ECPAS: variants seen among roughly 807,000 people sequenced by gnomAD.
The protein encoded by ECPAS is proteasome adapter and scaffold protein ECM29.
Under a neutral mutation model 255.1 loss-of-function variants are expected in ECPAS, and 70 were observed. The ratio of observed to expected loss-of-function variants is 0.27; its 90% CI spans 0.23 to 0.33. ECPAS has a LOEUF of 0.33. Ranked by LOEUF, ECPAS falls within the 10% of genes least tolerant of loss-of-function variation. The pLI is 1.00. For synonymous variants in ECPAS, 784 were observed against 775.0 expected (o/e 1.01, Z -0.19); for missense variants, 1,817 against 2,206.4 (o/e 0.82, Z 3.54).
rs1390908985 is a variant in ECPAS at position 111,390,048 on chromosome 9, T to G, written c.3215A>C (p.Gln1072Pro). 1 of 1,602,066 alleles carries G rather than the reference T, an allele frequency of 6.2e-7. No homozygotes were observed. ...CATAAATTTATACACCAGATCTGGC[T>G]GGCTAAGATCACTTGCCAGAGAACA... The part of the protein sequence containing the change: ...ELCSLASDLS[Q>P]PDLVYKFMNL... Residue 1072 changes from glutamine (Q) to proline (P), a missense_variant, in exon 30 of 50, where the codon CAG becomes CCG. By Grantham distance (76) the Gln-to-Pro change is moderately conservative (BLOSUM62 -1). Transcript: ENST00000684092.
intron 6 of ECPAS, among the ~76,000 whole-genome samples, chr9:111,437,674 C>CA (rs35173629): frequency 2.6e-5 from 4 of 152,058 alleles, no homozygotes; most frequent in African/African-American, 9.7e-5. Flanking sequence ...TGAAAAAACT[C>CA]AAAAGGGCCC....
intron 24 of ECPAS, among the ~76,000 whole-genome samples, chr9:111,398,427 T>A (rs1035459110): frequency 3.3e-5 from 5 of 152,214 alleles, no homozygotes; most frequent in African/African-American, 1.2e-4. Flanking sequence ...ATGAATAATA[T>A]ACTATCTGGA....
At chr9:111,390,173 A>G (rs2098157290) in intron 29 of ECPAS, 72 bp from the exon 30 acceptor site, 1 of 868,478 alleles carries the variant, frequency 1.2e-6, no homozygotes, top group Admixed American at 2.2e-5. Flanking sequence ...TACATCATCA[A>G]TATTACTAGG....
chr9:111,409,989 A>G (rs2098191343), intron 23 of ECPAS, 52 bp downstream of exon 23: 1 of 1,335,132 alleles, frequency 7.5e-7, no homozygotes, highest in Non-Finnish European at 1.0e-6. Context: ...TTGCTCATGT[A>G]TGCATAGAAA....
intron 6 of ECPAS, among the ~76,000 whole-genome samples, chr9:111,440,035 T>C (rs1589200800): frequency 8.9e-6 from 1 of 111,854 alleles, no homozygotes; most frequent in Non-Finnish European, 1.8e-5. Context: ...AAAGAGAAAC[T>C]TTTTTTTTTT....
chr9:111,421,153 C>T (rs981932756), intron 15 of ECPAS, among the ~76,000 whole-genome samples: 3 of 152,162 alleles, frequency 2.0e-5, no homozygotes, highest in African/African-American at 7.2e-5. Flanking sequence ...AATAGGACTC[C>T]ATCATAGTAA....
rs1401084062 is a variant in ECPAS, at chr9:111,373,366, C to G, written c.4218G>C (p.Arg1406=). 6 of 1,613,748 alleles carry G rather than the reference C, an allele frequency of 3.7e-6. No individual in the cohort carries two copies. The highest frequency in any genetic ancestry group is 5.1e-6 in the Non-Finnish European group (6 of 1,179,824). Residue 1406 remains arginine (R), a synonymous_variant, in exon 40 of 50, where the codon CGG becomes CGC. Transcript: ENST00000684092. ...CACAAGATTTCTGAATCACACTGTT[C>G]CGATCTGTCAGGCCACTCAGCAAAG... The part of the protein sequence containing the change: ...MSALLSGLTD[R]NSVIQKSCAF...
intron 3 of ECPAS, among the ~76,000 whole-genome samples, chr9:111,446,197 CTCCTT>C (rs1002203625): frequency 6.6e-6 from 1 of 152,184 alleles, no homozygotes; most frequent in Non-Finnish European, 1.5e-5. Flanking sequence ...CAAGCTTCCT[CTCCTT>C]TAAGTGGGAA....
Position 111,369,084 on chromosome 9 carries a change from A to T in ECPAS, c.5064T>A (p.Gly1688=). 3.7e-6 allele frequency: 6 copies of T among 1,604,288 alleles called. No individual in the cohort carries two copies. The highest frequency in any genetic ancestry group is 5.1e-6 in the Non-Finnish European group (6 of 1,176,370). ...AGGCTTTGCCCAGGCTTTCAAAGGC[A>T]CCCAGCAGATATTCCAGCTGGAGCT... ...EKELQLEYLL[G]AFESLGKAWP... Residue 1688 remains glycine (G), a synonymous_variant, in exon 46 of 50, where the codon GGT becomes GGA. Coordinates refer to ENST00000684092, the MANE Select transcript of ECPAS (RefSeq NM_001364929.1).
At chr9:111,382,415 C>A (rs1240887302) in intron 35 of ECPAS, among the ~76,000 whole-genome samples, 1 of 151,962 alleles carries the variant, frequency 6.6e-6, no homozygotes, top group Non-Finnish European at 1.5e-5. Flanking sequence ...CAGGCATGCA[C>A]CACCACACCC....
chr9:111,413,239 G>C (rs2098197586), intron 20 of ECPAS, among the ~76,000 whole-genome samples: 2 of 152,140 alleles, frequency 1.3e-5, no homozygotes, highest in Non-Finnish European at 2.9e-5. Flanking sequence ...CATTGCAGCA[G>C]AATGGAAGTA....
At chr9:111,429,757 T>C (rs1028579116) in intron 9 of ECPAS, among the ~76,000 whole-genome samples, 3 of 152,206 alleles carry the variant, frequency 2.0e-5, no homozygotes, top group Non-Finnish European at 4.4e-5. Context: ...TAGTCACAGC[T>C]ACTCAAGAGA....
intron 24 of ECPAS, 133 bp downstream of exon 24, chr9:111,408,438 C>G (rs1165192612): frequency 1.7e-6 from 1 of 579,304 alleles, no homozygotes; most frequent in Non-Finnish European, 3.0e-6. Flanking sequence ...AAAACTAGTA[C>G]TCAAGTATCT....
chr9:111,440,845 T>C lies in ECPAS; in HGVS notation c.390-324A>G, dbSNP rs112194844. Among the ~76,000 whole-genome samples the C allele has an allele frequency of 2.1e-3, 317 of 152,330 alleles. 1 individual carries two copies. The highest frequency in any genetic ancestry group is 7.3e-3 in the African/African-American group (303 of 41,584). Reference sequence around the variant, plus strand: ...ATTTTATATGAAACCTTAAGTAAAGTTCAACTTACTTGTCTTTTCAAAAAG... The same window carrying C: ...ATTTTATATGAAACCTTAAGTAAAGCTCAACTTACTTGTCTTTTCAAAAAG... On this transcript the variant is annotated intron_variant, in intron 5 of 49. Transcript: ENST00000684092.
chr9:111,378,739 A>G lies in ECPAS; in HGVS notation c.3804-9T>C. The G allele has an allele frequency of 6.2e-7, 1 of 1,603,104 alleles. No individual in the cohort carries two copies. Among genetic ancestry groups the G allele is most frequent in the Non-Finnish European group, 8.5e-7 (1 of 1,172,448 alleles). On this transcript the variant is annotated splice_polypyrimidine_tract_variant and intron_variant, in intron 35 of 49. Coordinates refer to ENST00000684092, the MANE Select transcript of ECPAS (RefSeq NM_001364929.1). ...TCACAAGGGTGTTAATGCTACAAAC[A>G]TATGGAACACAACTCCTGAGTCCTT...
At chr9:111,420,380 T>C (rs1423835470) in intron 15 of ECPAS, among the ~76,000 whole-genome samples, 3 of 152,156 alleles carry the variant, frequency 2.0e-5, no homozygotes, top group African/African-American at 7.2e-5. Flanking sequence ...CCAGGTGAAG[T>C]AGGAAGACCT....
rs141001743 is a variant in ECPAS, at chr9:111,398,339, C to T, written c.2653-1186G>A. On this transcript the variant is annotated intron_variant, in intron 24 of 49. Transcript: ENST00000684092. Reference sequence around the variant, plus strand: ...AGGGGTTCATTTTATGTACCTGTACCTGTTTTTGCATGTTTCCTGTAGTTA... The same window carrying T: ...AGGGGTTCATTTTATGTACCTGTACTTGTTTTTGCATGTTTCCTGTAGTTA... 8.5e-5 allele frequency among the ~76,000 whole-genome samples: 13 copies of T among 152,246 alleles called. No individual in the cohort carries two copies. The East Asian group carries it at 2.5e-3, about 29-fold the overall frequency.
At chr9:111,405,335 T>G (rs1313535231) in intron 24 of ECPAS, among the ~76,000 whole-genome samples, 1 of 149,676 alleles carries the variant, frequency 6.7e-6, no homozygotes, top group Non-Finnish European at 1.5e-5. Flanking sequence ...CTTCAATAAG[T>G]TGTGCTGGAA....
At chr9:111,385,511 T>A in intron 32 of ECPAS, 69 bp from the exon 33 acceptor site, 1 of 863,766 alleles carries the variant, frequency 1.2e-6, no homozygotes, top group Non-Finnish European at 1.8e-6. Flanking sequence ...ACATTTATAC[T>A]AAAAAAGAAT....
Sources: allele counts gnomAD v4.1 joint callset (sites outside exome capture counted in the v4.1 genomes callset), GRCh38; gene constraint gnomAD v4.1.1; transcripts MANE v1.5; gene names NCBI Gene and HGNC (gene_info 2026-07-23, HGNC 2026-07-21).